Variants in RPS6KA2 observed in about 807,000 individuals in gnomAD.
The protein encoded by RPS6KA2 is ribosomal protein S6 kinase alpha-2.
RPS6KA2 carries 42 observed loss-of-function variants against 91.8 expected under a neutral mutation model. The observed-to-expected ratio is 0.46, with a 90% CI of 0.36 to 0.59. The LOEUF is 0.59. RPS6KA2 is among the 20% of genes least tolerant of loss of function. RPS6KA2 has a pLI of 0.00. For missense variants in RPS6KA2, 798 were observed against 978.5 expected (o/e 0.82, Z 2.46); for synonymous variants, 414 against 393.6 (o/e 1.05, Z -0.61).
intron 2 of RPS6KA2, among the ~76,000 whole-genome samples, chr6:166,851,074 T>C (rs1780727279): frequency 2.0e-5 from 3 of 152,186 alleles, no homozygotes; most frequent in African/African-American, 7.2e-5. Flanking sequence ...TTACATCACC[T>C]TTGGTGCCTC....
At chr6:166,721,250 G>T (rs949542242) in intron 2 of RPS6KA2, among the ~76,000 whole-genome samples, 57 of 152,160 alleles carry the variant, frequency 3.7e-4, no homozygotes, top group African/African-American at 1.4e-3. Flanking sequence ...TGCGACTGAG[G>T]GTCTCCTCTG....
intron 2 of RPS6KA2, among the ~76,000 whole-genome samples, chr6:166,802,178 G>A (rs1779383238): frequency 6.6e-6 from 1 of 151,876 alleles, no homozygotes; most frequent in East Asian, 1.9e-4. Flanking sequence ...GCTGAGGCAG[G>A]AGAATGGCAT....
intron 2 of RPS6KA2, among the ~76,000 whole-genome samples, chr6:166,778,443 C>T (rs1481990129): frequency 2.6e-5 from 4 of 152,196 alleles, no homozygotes. Context: ...ATTCTTTAAA[C>T]AACTCAGAAC....
At chr6:166,727,508 C>T (rs916363052) in intron 2 of RPS6KA2, among the ~76,000 whole-genome samples, 12 of 151,982 alleles carry the variant, frequency 7.9e-5, no homozygotes, top group African/African-American at 2.4e-4. Context: ...CCCTAAGCAC[C>T]GGCACTGTAA....
At chr6:166,586,543 G>A (rs1172361519) in intron 1 of RPS6KA2, 1 of 1,481,554 alleles carries the variant, frequency 6.7e-7, no homozygotes, top group East Asian at 2.3e-5. Context: ...AATCCGCCAA[G>A]GGCTATGTCT....
intron 2 of RPS6KA2, among the ~76,000 whole-genome samples, chr6:166,668,499 T>C (rs1788381989): frequency 6.6e-6 from 1 of 152,046 alleles, no homozygotes; most frequent in Non-Finnish European, 1.5e-5. Flanking sequence ...ACAGAAAGTG[T>C]TTCATACAAA....
chr6:166,529,179 C>A (rs1783168547), intron 3 of RPS6KA2, among the ~76,000 whole-genome samples: 1 of 152,198 alleles, frequency 6.6e-6, no homozygotes, highest in Non-Finnish European at 1.5e-5. Flanking sequence ...CCCAAATGTC[C>A]ATCAATGATA....
intron 6 of RPS6KA2, among the ~76,000 whole-genome samples, 174 bp from the exon 7 acceptor site, chr6:166,501,098 C>T (rs1782011996): frequency 6.6e-6 from 1 of 152,148 alleles, no homozygotes; most frequent in African/African-American, 2.4e-5. Flanking sequence ...CCCATCCTGC[C>T]TCGCTTCTCC....
At chr6:166,836,623 A>C (rs993285887) in intron 2 of RPS6KA2, among the ~76,000 whole-genome samples, 2 of 152,164 alleles carry the variant, frequency 1.3e-5, no homozygotes, top group Non-Finnish European at 2.9e-5. Context: ...GCTAAAACTC[A>C]GTGTCTCCTC....
At chr6:166,642,028 G>A (rs775759928) in intron 2 of RPS6KA2, among the ~76,000 whole-genome samples, 51 of 151,658 alleles carry the variant, frequency 3.4e-4, no homozygotes, top group Admixed American at 5.3e-4. Flanking sequence ...AAAATATACC[G>A]ATCTTCATAT....
Position 166,448,905 on chromosome 6 carries a change from G to T in RPS6KA2, c.1207-56C>A. The T allele has an allele frequency of 6.3e-7, 1 of 1,595,670 alleles. No homozygotes were observed. Among genetic ancestry groups the T allele is most frequent in the Non-Finnish European group, 8.6e-7 (1 of 1,167,144 alleles). On this transcript the variant is annotated intron_variant, in intron 13 of 20. Coordinates refer to ENST00000265678, the MANE Select transcript of RPS6KA2 (RefSeq NM_021135.6). The surrounding 1 kb of genome is among the most constrained non-coding windows in gnomAD (Gnocchi z 4.7). ...CGGAACCCTCACACGAGGGGACGGT[G>T]CAGCTACACGCACACAGAATGTGGG...
At chr6:166,526,569 C>T (rs541918975) in intron 3 of RPS6KA2, among the ~76,000 whole-genome samples, 12 of 152,040 alleles carry the variant, frequency 7.9e-5, no homozygotes, top group African/African-American at 2.9e-4. Flanking sequence ...GCCTAAGTCT[C>T]GAACTCCTGG....
At chr6:166,829,833 G>T (rs1780137988) in intron 2 of RPS6KA2, among the ~76,000 whole-genome samples, 1 of 151,996 alleles carries the variant, frequency 6.6e-6, no homozygotes, top group Non-Finnish European at 1.5e-5. Flanking sequence ...AATTTGTCTG[G>T]GTGCAGTGGC....
chr6:166,502,079 A>G (rs1355555816), intron 6 of RPS6KA2, among the ~76,000 whole-genome samples: 3 of 152,224 alleles, frequency 2.0e-5, no homozygotes, highest in Non-Finnish European at 4.4e-5. Context: ...GCTACTGTGC[A>G]GGGGGACAGA....
intron 2 of RPS6KA2, among the ~76,000 whole-genome samples, chr6:166,698,447 G>A (rs969930628): frequency 6.6e-6 from 1 of 152,196 alleles, no homozygotes; most frequent in Non-Finnish European, 1.5e-5. Flanking sequence ...TGTGGAGTGA[G>A]AGCAAAGTGA....
chr6:166,591,473 G>A (rs1405537768), intron 1 of RPS6KA2, among the ~76,000 whole-genome samples: 2 of 152,168 alleles, frequency 1.3e-5, no homozygotes, highest in Admixed American at 6.5e-5. Context: ...TAGTTAAAAC[G>A]AGATCACAGA....
At chr6:166,625,545 T>C (rs1426049124) in intron 1 of RPS6KA2, among the ~76,000 whole-genome samples, 1 of 151,914 alleles carries the variant, frequency 6.6e-6, no homozygotes, top group African/African-American at 2.4e-5. Flanking sequence ...AGACAGTAAA[T>C]GGAAGGAGAC....
rs556356962 is a variant in RPS6KA2 at position 166,417,776 on chromosome 6, G to A, written c.1938+449C>T. Among the ~76,000 whole-genome samples, 8 of 152,212 alleles carry A rather than the reference G, an allele frequency of 5.3e-5. No individual in the cohort carries two copies. The South Asian group carries it at 6.2e-4, about 12-fold the overall frequency. On this transcript the variant is annotated intron_variant, in intron 19 of 20. Coordinates refer to ENST00000265678, the MANE Select transcript of RPS6KA2 (RefSeq NM_021135.6). ...TTAGATGAAAGGCTTAAAAGATGCC[G>A]AGGATAAGGCCAGGTGTGGTGGCTC...
At position 166,500,743 on chromosome 6, in the gene RPS6KA2, C is replaced by T. The variant is rs1781998489; in HGVS notation, c.604+144G>A. The T allele has an allele frequency of 2.8e-6, 2 of 724,254 alleles. No individual in the cohort carries two copies. The highest frequency in any genetic ancestry group is 4.6e-5 in the Admixed American group (2 of 43,698). The allele number at this position is 724,254 out of a possible 1,614,324, so 44.9% of individuals were successfully genotyped here. On this transcript the variant is annotated intron_variant, in intron 7 of 20. Transcript: ENST00000265678. This position sits in a 1 kb window ranked among gnomAD's most constrained non-coding sequence, Gnocchi z 4.3. ...ATACAATGCCATAAGCAGTCTGTAGCTATAGAAAATTCTGCCAAATCAGAG... is the reference window on the plus strand; with the variant it reads ...ATACAATGCCATAAGCAGTCTGTAGTTATAGAAAATTCTGCCAAATCAGAG...
Sources: gnomAD v4.1 joint callset for allele counts (sites outside exome capture counted in the v4.1 genomes callset) on GRCh38, gnomAD v4.1.1 for gene constraint, Gnocchi (gnomAD v3.1) non-coding constraint, MANE v1.5 for transcripts, NCBI Gene and HGNC (gene_info 2026-07-23, HGNC 2026-07-21) for gene names.